Variants in PAN3 observed in about 807,000 individuals in gnomAD.
PAN3 encodes the protein PAN2-PAN3 deadenylation complex subunit PAN3.
A neutral mutation model predicts 96.2 loss-of-function variants in PAN3; 19 were observed. That is an observed-to-expected ratio of 0.20 (90% CI 0.14 to 0.29). The LOEUF (loss-of-function observed/expected upper bound fraction) is 0.29, where lower values mean the gene tolerates loss of function less well. Among genes scored for constraint, PAN3 ranks in the 10% least tolerant of loss-of-function variants. PAN3 has a pLI of 1.00. For synonymous variants in PAN3, 433 were observed against 406.6 expected, an observed-to-expected ratio of 1.06 and a Z score of -0.78; for missense variants, 882 against 1,108.1, an observed-to-expected ratio of 0.80 and a Z score of 2.90.
chr13:28,183,199 A>G (rs1194996192), intron 4 of PAN3, among the ~76,000 whole-genome samples: 1 of 152,238 alleles, frequency 6.6e-6, no homozygotes, highest in Non-Finnish European at 1.5e-5. Flanking sequence ...ATTGAAAAAT[A>G]ACTAAAATTT....
At chr13:28,176,047 C>T (rs1027759106) in intron 2 of PAN3, among the ~76,000 whole-genome samples, 3 of 152,022 alleles carry the variant, frequency 2.0e-5, no homozygotes, top group East Asian at 1.9e-4. Flanking sequence ...AAGCATAGAA[C>T]GTGTTTAGAG....
chr13:28,216,245 A>G (rs2138353849), intron 5 of PAN3, among the ~76,000 whole-genome samples: 1 of 151,796 alleles, frequency 6.6e-6, no homozygotes, highest in Non-Finnish European at 1.5e-5. Context: ...TGTATGACCC[A>G]TTTATGTGAA....
intron 13 of PAN3, among the ~76,000 whole-genome samples, chr13:28,271,406 A>C (rs1886611805): frequency 6.6e-6 from 1 of 152,202 alleles, no homozygotes; most frequent in Non-Finnish European, 1.5e-5. Flanking sequence ...GGGCTGCATA[A>C]CATAAAGAGC....
intron 5 of PAN3, among the ~76,000 whole-genome samples, chr13:28,202,753 T>A (rs1243242108): frequency 2.6e-5 from 4 of 152,156 alleles, no homozygotes; most frequent in Non-Finnish European, 4.4e-5. Context: ...TTGTATTAAA[T>A]TTGTTTGCCT....
rs1869191396 is a variant in PAN3, at chr13:28,138,982, G to A, written c.325G>A (p.Gly109Arg). The change falls in exon 1 of 19, where the codon GGG (glycine) becomes AGG (arginine). Residue 109 changes from glycine (G) to arginine (R), a missense_variant. Physicochemically the swap from Gly to Arg is moderately radical, Grantham distance 125. Transcript: ENST00000380958. The part of the protein sequence containing the change: ...PPGAVAGGGA[G>R]PPPGPKKPDL... ...GGGAGCCGTCGCGGGCGGGGGAGCT[G>A]GGCCGCCCCCCGGGCCCAAGAAGCC... The A allele has an allele frequency of 7.9e-7, 1 of 1,271,350 alleles. No individual in the cohort carries two copies. The highest frequency in any genetic ancestry group is 2.7e-5 in the South Asian group (1 of 36,794). 78.8% of individuals were successfully genotyped at this position (1,271,350 alleles called of 1,614,324 possible). A position where few individuals can be genotyped will look rare whatever the true frequency, so the allele number is the denominator to read the frequency against.
At chr13:28,191,554 C>T (rs1334117638) in intron 4 of PAN3, among the ~76,000 whole-genome samples, 1 of 152,092 alleles carries the variant, frequency 6.6e-6, no homozygotes, top group African/African-American at 2.4e-5. Flanking sequence ...AAGAATTATC[C>T]AAAGTCAGTA....
At chr13:28,170,060 TACA>T (rs1317966176) in intron 1 of PAN3, among the ~76,000 whole-genome samples, 1 of 151,612 alleles carries the variant, frequency 6.6e-6, no homozygotes, top group African/African-American at 2.4e-5. Flanking sequence ...ATAATAATAA[TACA>T]ATAATAATAA....
intron 4 of PAN3, among the ~76,000 whole-genome samples, chr13:28,179,962 G>A (rs1875553520): frequency 6.6e-6 from 1 of 151,978 alleles, no homozygotes; most frequent in African/African-American, 2.4e-5. Context: ...TACTAGAAAT[G>A]TTACTAGAAA....
At chr13:28,165,053 A>G (rs1044619006) in intron 1 of PAN3, among the ~76,000 whole-genome samples, 2 of 152,174 alleles carry the variant, frequency 1.3e-5, no homozygotes, top group African/African-American at 4.8e-5. Context: ...GACTACAGGC[A>G]TGTATCACCA....
intron 2 of PAN3, among the ~76,000 whole-genome samples, chr13:28,176,236 T>G (rs373830591): frequency 8.5e-5 from 13 of 152,326 alleles, no homozygotes; most frequent in African/African-American, 3.1e-4. Flanking sequence ...CCCAGGCTAA[T>G]AAGTTATGGA....
At chr13:28,192,568 G>A (rs968824215) in intron 4 of PAN3, among the ~76,000 whole-genome samples, 2 of 152,008 alleles carry the variant, frequency 1.3e-5, no homozygotes, top group African/African-American at 4.8e-5. Context: ...CTTTACTCAG[G>A]CATTCACTTT....
chr13:28,243,843 C>T lies in PAN3; in HGVS notation c.1001-12449C>T, dbSNP rs1340452515. ...AGCTGGGATTACAGGTGTGCGCCACCACGCCCAACTAACTTTTGTATTTTT... is the reference window on the plus strand; with the variant it reads ...AGCTGGGATTACAGGTGTGCGCCACTACGCCCAACTAACTTTTGTATTTTT... On this transcript the variant is annotated intron_variant, in intron 6 of 18. Coordinates refer to ENST00000380958, the MANE Select transcript of PAN3 (RefSeq NM_175854.8). Among the ~76,000 whole-genome samples, 3 of 152,068 alleles carry T rather than the reference C, an allele frequency of 2.0e-5. No individual in the cohort carries two copies. In the East Asian group the frequency reaches 5.8e-4, roughly 29 times the overall value.
At chr13:28,206,765 C>G (rs937413370) in intron 5 of PAN3, among the ~76,000 whole-genome samples, 15 of 149,540 alleles carry the variant, frequency 1.0e-4, no homozygotes, top group Admixed American at 8.6e-4. Context: ...GACTTCTTGG[C>G]CTTTGTACTG....
intron 1 of PAN3, among the ~76,000 whole-genome samples, chr13:28,167,160 G>A (rs1474557441): frequency 9.8e-5 from 14 of 142,564 alleles, no homozygotes; most frequent in East Asian, 2.1e-4. Context: ...TCAAAAGGTC[G>A]CTTGATCATG....
At position 28,198,217 on chromosome 13, in the gene PAN3, C is replaced by T. The variant is rs1012647398; in HGVS notation, c.852+871C>T. ...AGAAGAATGGCTTGAACCTGGGAGGCGGAGGTTGCAGCAAGCCGAGACTGC... is the reference window on the plus strand; with the variant it reads ...AGAAGAATGGCTTGAACCTGGGAGGTGGAGGTTGCAGCAAGCCGAGACTGC... On this transcript the variant is annotated intron_variant, in intron 5 of 18. Transcript: ENST00000380958. Among the ~76,000 whole-genome samples the T allele has an allele frequency of 3.3e-5, 5 of 150,900 alleles. No homozygotes were observed. The East Asian group carries it at 5.8e-4, about 18-fold the overall frequency.
intron 6 of PAN3, among the ~76,000 whole-genome samples, chr13:28,249,455 A>T (rs976803383): frequency 6.1e-5 from 9 of 147,808 alleles, no homozygotes; most frequent in Non-Finnish European, 1.2e-4. Flanking sequence ...GATTTTTATT[A>T]TTTTTTTTTT....
At chr13:28,203,137 T>A (rs535229318) in intron 5 of PAN3, among the ~76,000 whole-genome samples, 1 of 151,892 alleles carries the variant, frequency 6.6e-6, no homozygotes, top group Admixed American at 6.6e-5. Context: ...TAATTTTTTT[T>A]TTTGGTAGAA....
At chr13:28,190,432 G>A (rs1403546411) in intron 4 of PAN3, among the ~76,000 whole-genome samples, 4 of 151,896 alleles carry the variant, frequency 2.6e-5, no homozygotes, top group Non-Finnish European at 4.4e-5. Context: ...TGGCGGGGGT[G>A]GGGGTAGAGA....
At chr13:28,261,859 C>T (rs1885765222) in intron 9 of PAN3, among the ~76,000 whole-genome samples, 1 of 146,746 alleles carries the variant, frequency 6.8e-6, no homozygotes, top group South Asian at 2.1e-4. Context: ...AAAGGACAGT[C>T]CCAAGGTACT....
Sources: allele counts gnomAD v4.1 joint callset (sites outside exome capture counted in the v4.1 genomes callset), GRCh38; gene constraint gnomAD v4.1.1; transcripts MANE v1.5; gene names NCBI Gene and HGNC (gene_info 2026-07-23, HGNC 2026-07-21).